UNC93B1: variants seen among roughly 807,000 people sequenced by gnomAD.
The protein encoded by UNC93B1 is protein unc-93 homolog B1.
In UNC93B1, 33 loss-of-function variants were observed where a neutral mutation model predicts 56.8. That is an observed-to-expected ratio of 0.58 (90% CI 0.44 to 0.78). The LOEUF (loss-of-function observed/expected upper bound fraction) is 0.78, where lower values mean the gene tolerates loss of function less well. Among genes scored for constraint, UNC93B1 ranks in the 30% least tolerant of loss-of-function variants. The pLI, the probability that UNC93B1 is intolerant of heterozygous loss-of-function variation, is 0.00. For missense variants in UNC93B1, 673 were observed against 819.5 expected (o/e 0.82, Z 2.18); for synonymous variants, 334 against 358.6 (o/e 0.93, Z 0.77).
Position 68,003,958 on chromosome 11 carries a change from G to A in UNC93B1, c.86C>T (p.Pro29Leu), listed in dbSNP as rs1425025658. Reference sequence around the variant, plus strand: ...CGGGTCCCCGCTCACCGGGGCCTCGGGCCCGTCCGGGACCCCGAGCAGGTC... The same window carrying A: ...CGGGTCCCCGCTCACCGGGGCCTCGAGCCCGTCCGGGACCCCGAGCAGGTC... ...DEDLLGVPDG[P>L]EAPLDELVGA... The change falls in exon 1 of 11, where the codon CCC (proline) becomes CTC (leucine). Residue 29 changes from proline (P) to leucine (L), a missense_variant. By Grantham distance (98) the Pro-to-Leu change is moderately conservative. This residue lies in a region of UNC93B1 where 438 missense variants were observed against 465.9 expected (regional missense o/e 0.94). Coordinates refer to ENST00000227471, the MANE Select transcript of UNC93B1 (RefSeq NM_030930.4). The surrounding 1 kb of genome is among the most constrained non-coding windows in gnomAD (Gnocchi z 4.4). 31 of 1,392,828 alleles carry A rather than the reference G, an allele frequency of 2.2e-5. No individual in the cohort carries two copies. Among genetic ancestry groups the A allele is most frequent in the Non-Finnish European group, 2.6e-5 (28 of 1,069,626 alleles). The allele number at this position is 1,392,828 out of a possible 1,614,324, so 86.3% of individuals were successfully genotyped here.
Position 67,998,367 on chromosome 11 carries a change from T to C in UNC93B1, c.773A>G (p.Gln258Arg). 6 of 1,613,952 alleles carry C rather than the reference T, an allele frequency of 3.7e-6. No individual in the cohort carries two copies. The highest frequency in any genetic ancestry group is 5.1e-6 in the Non-Finnish European group (6 of 1,179,858). Reference protein sequence around the residue: ...YDLNHTLYNVQSCGTNSHGIL... With the variant: ...YDLNHTLYNVRSCGTNSHGIL... ...CCCCAACAAGGACTAACCGCAGCTCTGCACATTGTACAGCGTGTGGTTCAG... is the reference window on the plus strand; with the variant it reads ...CCCCAACAAGGACTAACCGCAGCTCCGCACATTGTACAGCGTGTGGTTCAG... Residue 258 changes from glutamine (Q) to arginine (R), a missense_variant, in exon 6 of 11, where the codon CAG becomes CGG. By Grantham distance (43) the Gln-to-Arg change is conservative. Around this residue, in one of 3 missense-constraint regions of UNC93B1, gnomAD observed 438 missense variants for 465.9 expected, o/e 0.94. Transcript: ENST00000227471.
At position 67,991,215 on chromosome 11, in the gene UNC93B1, G is replaced by C; in HGVS notation, c.*331C>G. On this transcript the variant is annotated 3_prime_UTR_variant, in exon 11 of 11. Coordinates refer to ENST00000227471, the MANE Select transcript of UNC93B1 (RefSeq NM_030930.4). ...TCACACGCGGCCCGGGTCCGCGGCC[G>C]AGAGCTGTGGGGATCTGGAGCGGGC... is the stretch of plus-strand genomic sequence containing the variant. The C allele has an allele frequency of 3.6e-6, 1 of 279,960 alleles. No homozygotes were observed. Among genetic ancestry groups the C allele is most frequent in the Non-Finnish European group, 6.6e-6 (1 of 150,386 alleles). The allele number at this position is 279,960 out of a possible 1,614,324, so 17.3% of individuals were successfully genotyped here.
At chr11:67,998,523 G>C (rs1856990334) in intron 5 of UNC93B1, 71 bp from the exon 6 acceptor site, 2 of 1,514,278 alleles carry the variant, frequency 1.3e-6, no homozygotes, top group African/African-American at 2.7e-5. Context: ...CATGGTCTGG[G>C]GAGGGGTCCA....
In UNC93B1 at chr11:67,996,824, A is replaced by G. The variant is rs747811110; in HGVS notation, c.907-40T>C. 1.9e-5 allele frequency: 28 copies of G among 1,488,304 alleles called. No individual in the cohort carries two copies. In the South Asian group the frequency reaches 3.3e-4, roughly 17 times the overall value. 92.2% of individuals were successfully genotyped at this position (1,488,304 alleles called of 1,614,324 possible). A position where few individuals can be genotyped will look rare whatever the true frequency, so the allele number is the denominator to read the frequency against. On this transcript the variant is annotated intron_variant, in intron 7 of 10. Transcript: ENST00000227471. ...CTTGAAGGGGCGGCCAGCCAGGCCC[A>G]GGCCTGGCCTCCAGGCTTCAGCCCC... is the stretch of plus-strand genomic sequence containing the variant.
intron 3 of UNC93B1, 63 bp downstream of exon 3, chr11:68,002,959 C>G: frequency 6.6e-7 from 1 of 1,516,870 alleles, no homozygotes; most frequent in Non-Finnish European, 8.8e-7. Context: ...TCCTGGCCCG[C>G]CGGCCTCTGT....
At chr11:67,997,523 C>T (rs1296277548) in intron 7 of UNC93B1, 152 bp downstream of exon 7, 2 of 1,353,916 alleles carry the variant, frequency 1.5e-6, no homozygotes, top group Admixed American at 2.3e-5. Flanking sequence ...CCCTAGCTCC[C>T]CAACTCAGAT....
In UNC93B1 at chr11:68,003,263, G is replaced by A. The variant is rs1401595779; in HGVS notation, c.239-88C>T. On this transcript the variant is annotated intron_variant, in intron 2 of 10. Coordinates refer to ENST00000227471, the MANE Select transcript of UNC93B1 (RefSeq NM_030930.4). This position sits in a 1 kb window ranked among gnomAD's most constrained non-coding sequence, Gnocchi z 4.4. Reference sequence around the variant, plus strand: ...AGACGGCATGCAGGCCTCGCAGGGAGCTCCAATCACCGAAGGCATTCCCGC... The same window carrying A: ...AGACGGCATGCAGGCCTCGCAGGGAACTCCAATCACCGAAGGCATTCCCGC... 2.2e-6 allele frequency: 3 copies of A among 1,380,676 alleles called. No homozygotes were observed. The highest frequency in any genetic ancestry group is 5.4e-5 in the East Asian group (2 of 36,792). 85.5% of individuals were successfully genotyped at this position (1,380,676 alleles called of 1,614,324 possible).
At position 67,999,193 on chromosome 11, in the gene UNC93B1, T is replaced by C. The variant is rs377418903; in HGVS notation, c.667A>G (p.Ile223Val). The C allele has an allele frequency of 4.9e-5, 79 of 1,613,950 alleles. No homozygotes were observed. The highest frequency in any genetic ancestry group is 6.4e-5 in the Non-Finnish European group (75 of 1,179,892). The part of the protein sequence containing the change: ...HAPYLLVFQA[I>V]FYSFFHLSFA... ...CTCACATGGAAGAAGCTGTAGAAGATGGCTTGGAAGACCAGGAGATAGGGC... is the reference window on the plus strand; with the variant it reads ...CTCACATGGAAGAAGCTGTAGAAGACGGCTTGGAAGACCAGGAGATAGGGC... The change falls in exon 5 of 11, where the codon ATC becomes GTC. Residue 223 changes from isoleucine to valine, a missense_variant. Ile to Val is a conservative substitution (Grantham distance 29). This residue lies in a region of UNC93B1 where 438 missense variants were observed against 465.9 expected (regional missense o/e 0.94). Coordinates refer to ENST00000227471, the MANE Select transcript of UNC93B1 (RefSeq NM_030930.4).
In UNC93B1 at chr11:68,003,022, C is replaced by A. The variant is rs1037045819; in HGVS notation, c.392G>T (p.Arg131Met). 5.6e-6 allele frequency: 9 copies of A among 1,609,308 alleles called. No individual in the cohort carries two copies. The highest frequency in any genetic ancestry group is 7.6e-6 in the Non-Finnish European group (9 of 1,177,966). Residue 131 changes from arginine (R) to methionine (M), a missense_variant and splice_region_variant, in exon 3 of 11, where the codon AGG (arginine) becomes ATG (methionine). Physicochemically the swap from Arg to Met is moderately conservative, Grantham distance 91. Coordinates refer to ENST00000227471, the MANE Select transcript of UNC93B1 (RefSeq NM_030930.4). The surrounding 1 kb of genome is among the most constrained non-coding windows in gnomAD (Gnocchi z 4.4). Reference protein sequence around the residue: ...AALLYTPVLIRFFGTKWMMFL... With the variant: ...AALLYTPVLIMFFGTKWMMFL... ...ATCCCACAGGAGCAGCCGCGCCCAC[C>A]TGATGAGCACAGGTGTGTAGAGCAG... is the stretch of plus-strand genomic sequence containing the variant.
chr11:67,992,655 T>C (rs1856864860), intron 10 of UNC93B1, among the ~76,000 whole-genome samples: 1 of 146,312 alleles, frequency 6.8e-6, no homozygotes, highest in African/African-American at 2.6e-5. Context: ...TGCTTTTCTT[T>C]TTTTTTTTTC....
At chr11:67,995,918 G>A (rs1270675546) in intron 8 of UNC93B1, 34 bp from the exon 9 acceptor site, 10 of 1,457,512 alleles carry the variant, frequency 6.9e-6, no homozygotes, top group East Asian at 5.0e-5. Context: ...GTTGAAGTCT[G>A]GAACAGCCCA....
At position 67,993,461 on chromosome 11, in the gene UNC93B1, C is replaced by T. The variant is rs575284260; in HGVS notation, c.1482+215G>A. ...CCACAGGATGGCTGTGATGCACCCA[C>T]AAATCCCCTCAGAGATGGGCAAACT... On this transcript the variant is annotated intron_variant, in intron 10 of 10. Coordinates refer to ENST00000227471, the MANE Select transcript of UNC93B1 (RefSeq NM_030930.4). Among the ~76,000 whole-genome samples, 830 of 152,366 alleles carry T rather than the reference C, an allele frequency of 5.4e-3. 10 individuals are homozygous for T. The highest frequency in any genetic ancestry group is 0.037 in the Middle Eastern group (11 of 294).
In UNC93B1 at chr11:67,997,672, C is replaced by A. The variant is rs2134361983; in HGVS notation, c.906+3G>T. The A allele has an allele frequency of 1.2e-6, 2 of 1,602,716 alleles. No individual in the cohort carries two copies. Among genetic ancestry groups the A allele is most frequent in the Non-Finnish European group, 8.5e-7 (1 of 1,179,818 alleles). On this transcript the variant is annotated splice_donor_region_variant and intron_variant, in intron 7 of 10. Transcript: ENST00000227471. ...ACTGTCCTGCCCCCATCCCGGGCCGCACCAGCAGCATGGCCAGGAAGGCCA... is the reference window on the plus strand; with the variant it reads ...ACTGTCCTGCCCCCATCCCGGGCCGAACCAGCAGCATGGCCAGGAAGGCCA...
rs184624664 is a variant in UNC93B1 at position 68,003,874 on chromosome 11, C to T, written c.96+74G>A. The T allele has an allele frequency of 1.5e-6, 2 of 1,290,730 alleles. No individual in the cohort carries two copies. The highest frequency in any genetic ancestry group is 1.9e-6 in the Non-Finnish European group (2 of 1,025,670). The allele number at this position is 1,290,730 out of a possible 1,614,324, so 80.0% of individuals were successfully genotyped here. A position where few individuals can be genotyped will look rare whatever the true frequency, so the allele number is the denominator to read the frequency against. ...TCCCCCGGTGCCCGCCGCCCCCCGG[C>T]CCGCCCCGCCCCCGCCGGGGGGACC... is the stretch of plus-strand genomic sequence containing the variant. On this transcript the variant is annotated intron_variant, in intron 1 of 10. Transcript: ENST00000227471. This position sits in a 1 kb window ranked among gnomAD's most constrained non-coding sequence, Gnocchi z 4.4.
chr11:68,001,559 G>A (rs969300923), intron 3 of UNC93B1, among the ~76,000 whole-genome samples: 25 of 152,120 alleles, frequency 1.6e-4, no homozygotes, highest in African/African-American at 6.0e-4. Context: ...TGAGGTGGGA[G>A]GATTGCTTGA....
intron 9 of UNC93B1, among the ~76,000 whole-genome samples, chr11:67,994,381 C>T (rs1856899823): frequency 6.6e-6 from 1 of 152,154 alleles, no homozygotes; most frequent in Non-Finnish European, 1.5e-5. Context: ...GTGAGATGAG[C>T]TTATGCCTAT....
In UNC93B1 at chr11:68,003,359, C is replaced by T. The variant is rs1360136858; in HGVS notation, c.239-184G>A. On this transcript the variant is annotated intron_variant, in intron 2 of 10. Transcript: ENST00000227471. The surrounding 1 kb of genome is among the most constrained non-coding windows in gnomAD (Gnocchi z 4.4). ...CTTCTGCCAGCCCGCGGCCACTTGG[C>T]CAGCTAAGCCCAGACCCCCACCCGC... The T allele has an allele frequency of 4.6e-6, 4 of 875,888 alleles. No homozygotes were observed. The highest frequency in any genetic ancestry group is 6.6e-6 in the Non-Finnish European group (4 of 601,682). The allele number at this position is 875,888 out of a possible 1,614,324, so 54.3% of individuals were successfully genotyped here. A position where few individuals can be genotyped will look rare whatever the true frequency, so the allele number is the denominator to read the frequency against.
At chr11:67,996,163 G>T (rs1590760465) in intron 8 of UNC93B1, among the ~76,000 whole-genome samples, 1 of 151,456 alleles carries the variant, frequency 6.6e-6, no homozygotes, top group East Asian at 2.0e-4. Flanking sequence ...GAGCCAGGGT[G>T]GGGAGAGGGG....
intron 9 of UNC93B1, among the ~76,000 whole-genome samples, chr11:67,994,896 T>A (rs1209936860): frequency 2.0e-5 from 3 of 152,232 alleles, no homozygotes; most frequent in Non-Finnish European, 4.4e-5. Flanking sequence ...GCTAGCTGTG[T>A]TTCACTGCGT....
Sources: gnomAD v4.1 joint callset for allele counts (sites outside exome capture counted in the v4.1 genomes callset) on GRCh38, gnomAD v4.1.1 for gene constraint, gnomAD v4.1.1 regional missense constraint, Gnocchi (gnomAD v3.1) non-coding constraint, MANE v1.5 for transcripts, NCBI Gene and HGNC (gene_info 2026-07-23, HGNC 2026-07-21) for gene names.